The following CENPK variants were observed in gnomAD, a reference collection of about 807,000 sequenced individuals.
The protein encoded by CENPK is SoxLZ/Sox6-binding protein Solt.
CENPK carries 46 observed loss-of-function variants against 40.9 expected under a neutral mutation model. The ratio of observed to expected loss-of-function variants is 1.13; its 90% CI spans 0.89 to 1.44. The LOEUF (loss-of-function observed/expected upper bound fraction) is 1.44, where lower values mean the gene tolerates loss of function less well. Ranked by LOEUF, CENPK falls within the 40% of genes most tolerant of loss-of-function variation. The pLI, the probability that CENPK is intolerant of heterozygous loss-of-function variation, is 0.00. For synonymous variants in CENPK, 107 were observed against 104.4 expected (o/e 1.02, Z -0.15); for missense variants, 288 against 303.5 (o/e 0.95, Z 0.38).
intron 8 of CENPK, 24 bp from the exon 9 acceptor site, chr5:65,528,602 G>A (rs1271074390): frequency 6.7e-7 from 1 of 1,492,810 alleles, no homozygotes; most frequent in Non-Finnish European, 8.9e-7. Context: ...AAAATTAAGA[G>A]AAACATTTAA....
In CENPK at chr5:65,518,341, T is replaced by G. The variant is rs1051477604; in HGVS notation, c.*134A>C. 3 of 797,556 alleles carry G rather than the reference T, an allele frequency of 3.8e-6. No individual in the cohort carries two copies. The highest frequency in any genetic ancestry group is 3.5e-5 in the African/African-American group (2 of 56,610). The allele number at this position is 797,556 out of a possible 1,614,324, so 49.4% of individuals were successfully genotyped here. On this transcript the variant is annotated 3_prime_UTR_variant, in exon 11 of 11. Transcript: ENST00000396679. ...AAAATGAATAATAGATGGCAGCACA[T>G]GCCATTTTGCAATAAAAGTAAGATG...
chr5:65,529,361 T>A (rs1170053105), intron 6 of CENPK, 162 bp from the exon 7 acceptor site: 11 of 526,854 alleles, frequency 2.1e-5, no homozygotes, highest in Non-Finnish European at 3.3e-5. Context: ...CAGTAGGCGC[T>A]AAATTTGTGG....
intron 2 of CENPK, among the ~76,000 whole-genome samples, chr5:65,560,762 T>G (rs1024892946): frequency 1.3e-4 from 20 of 152,222 alleles, no homozygotes; most frequent in African/African-American, 4.8e-4. Context: ...CTTGCACTGT[T>G]GGTGGAACAA....
chr5:65,514,106 A>G (rs571661309), downstream of CENPK, among the ~76,000 whole-genome samples: 23 of 151,686 alleles, frequency 1.5e-4, no homozygotes, highest in East Asian at 4.3e-3. Context: ...GTTATATTAG[A>G]TTTGCTAATA....
downstream of CENPK, among the ~76,000 whole-genome samples, chr5:65,515,730 C>A (rs1203526038): frequency 6.6e-6 from 1 of 152,116 alleles, no homozygotes; most frequent in Non-Finnish European, 1.5e-5. Context: ...CCTTTTATCA[C>A]CATATATTGC....
chr5:65,555,872 T>C (rs1248951966), intron 2 of CENPK, among the ~76,000 whole-genome samples: 1 of 152,218 alleles, frequency 6.6e-6, no homozygotes, highest in Admixed American at 6.5e-5. Context: ...GTGTCAATTA[T>C]TGGAGCTGCT....
downstream of CENPK, among the ~76,000 whole-genome samples, chr5:65,515,786 T>C (rs1742812905): frequency 6.6e-6 from 1 of 152,240 alleles, no homozygotes; most frequent in South Asian, 2.1e-4. Flanking sequence ...GAAATTAATA[T>C]AGCTACTCCA....
At chr5:65,561,253 T>G in intron 2 of CENPK, 1 of 236,928 alleles carries the variant, frequency 4.2e-6, no homozygotes, top group Non-Finnish European at 8.8e-6. Context: ...ATCATGAATT[T>G]TAGAATATTT....
intron 6 of CENPK, among the ~76,000 whole-genome samples, chr5:65,532,998 C>G (rs1746156664): frequency 7.8e-6 from 1 of 127,920 alleles, no homozygotes; most frequent in African/African-American, 2.9e-5. Context: ...AGGAGAAAAA[C>G]ATTTAATAAC....
At chr5:65,514,325 G>C (rs1371786281), downstream of CENPK, among the ~76,000 whole-genome samples, 2 of 138,322 alleles carry the variant, frequency 1.4e-5, no homozygotes, top group African/African-American at 5.4e-5. Flanking sequence ...GTGCAGTGGT[G>C]CAGTCTCAGC....
chr5:65,537,612 T>C (rs1208642182), intron 6 of CENPK, among the ~76,000 whole-genome samples: 4 of 152,194 alleles, frequency 2.6e-5, no homozygotes, highest in Non-Finnish European at 5.9e-5. Flanking sequence ...TGAATAAACT[T>C]TTTAAAAATA....
chr5:65,534,863 A>G (rs1746591279), intron 6 of CENPK, among the ~76,000 whole-genome samples: 1 of 152,260 alleles, frequency 6.6e-6, no homozygotes, highest in African/African-American at 2.4e-5. Flanking sequence ...ACCTTAATAG[A>G]AAACTTGATT....
intron 2 of CENPK, among the ~76,000 whole-genome samples, chr5:65,560,061 A>G (rs1751696547): frequency 6.6e-6 from 1 of 152,110 alleles, no homozygotes. Flanking sequence ...TCACAAAAAA[A>G]TAGGATGAAA....
chr5:65,497,142 C>T, the CENPK span, among the ~76,000 whole-genome samples: 9 of 149,284 alleles, frequency 6.0e-5, no homozygotes, highest in Non-Finnish European at 8.9e-5. Flanking sequence ...CTGAGGCGGG[C>T]GGACTACCTG....
rs978329403 is a variant in CENPK, at chr5:65,554,687, T to A, written c.111+110A>T. 26 of 682,244 alleles carry A rather than the reference T, an allele frequency of 3.8e-5. No homozygotes were observed. The South Asian group carries it at 4.6e-4, about 12-fold the overall frequency. The allele number at this position is 682,244 out of a possible 1,614,324, so 42.3% of individuals were successfully genotyped here. A position where few individuals can be genotyped will look rare whatever the true frequency, so the allele number is the denominator to read the frequency against. On this transcript the variant is annotated intron_variant, in intron 3 of 10. Transcript: ENST00000396679. ...CTAAAAGCTATATAAATATTTATCATACATAATGGCTTTTGGAAACTAGCA... is the reference window on the plus strand; with the variant it reads ...CTAAAAGCTATATAAATATTTATCAAACATAATGGCTTTTGGAAACTAGCA...
chr5:65,529,491 C>G, intron 6 of CENPK: 2 of 182,200 alleles, frequency 1.1e-5, no homozygotes, highest in Non-Finnish European at 2.0e-5. Context: ...CCTTTTCTTT[C>G]TTTCTTTTTT....
intron 9 of CENPK, among the ~76,000 whole-genome samples, chr5:65,525,172 AAT>A (rs1229154194): frequency 6.6e-6 from 1 of 152,164 alleles, no homozygotes; most frequent in Non-Finnish European, 1.5e-5. Context: ...CAGCCTGGCC[AAT>A]ATGGTAAAAT....
the CENPK span, among the ~76,000 whole-genome samples, chr5:65,501,607 T>TTC: frequency 0.68 from 104,028 of 151,880 alleles, 36,121 homozygotes; most frequent in East Asian, 0.89. Flanking sequence ...TACTCAAATC[T>TTC]TGTTTTAGCA....
chr5:65,521,831 C>A (rs558109425), intron 9 of CENPK, among the ~76,000 whole-genome samples: 6 of 152,216 alleles, frequency 3.9e-5, no homozygotes, highest in African/African-American at 1.4e-4. Context: ...GAGCTCCTGA[C>A]CCTCAGGTGA....
Sources: gnomAD v4.1 joint callset for allele counts (sites outside exome capture counted in the v4.1 genomes callset) on GRCh38, gnomAD v4.1.1 for gene constraint, MANE v1.5 for transcripts, NCBI Gene and HGNC (gene_info 2026-07-23, HGNC 2026-07-21) for gene names.